PLEKHG5: variants seen among roughly 807,000 people sequenced by gnomAD.
PLEKHG5 encodes the protein pleckstrin homology and RhoGEF domain containing G5.
In PLEKHG5, 52 loss-of-function variants were observed where a neutral mutation model predicts 103.8. That is an observed-to-expected ratio of 0.50 (90% CI 0.40 to 0.63). PLEKHG5 has a LOEUF of 0.63. PLEKHG5 is among the 30% of genes least tolerant of loss of function. The pLI is 0.00. For synonymous variants in PLEKHG5, 592 were observed against 575.5 expected (o/e 1.03, Z -0.41); for missense variants, 1,205 against 1,347.6 (o/e 0.89, Z 1.66).
intron 1 of PLEKHG5, among the ~76,000 whole-genome samples, chr1:6,509,776 G>A (rs1638424203): frequency 6.6e-6 from 1 of 152,234 alleles, no homozygotes; most frequent in African/African-American, 2.4e-5. Context: ...TTCCACATCT[G>A]TAAAATGGGT....
In PLEKHG5 at chr1:6,470,819, C is replaced by T. The variant is rs1054903025; in HGVS notation, c.1458G>A (p.Gln486=). The part of the protein sequence containing the change: ...KLSDMLAKPH[Q]RLTKYPLLLK... ...GCAGCAGCGGGTACTTGGTGAGCCG[C>T]TGGTGGGGTTTGGCCAGCATGTCGC... Residue 486 remains glutamine, a synonymous_variant, in exon 14 of 21, where the codon CAG becomes CAA. Coordinates refer to ENST00000377728, the MANE Select transcript of PLEKHG5 (RefSeq NM_020631.6). The T allele has an allele frequency of 1.3e-6, 2 of 1,578,194 alleles. No homozygotes were observed. The highest frequency in any genetic ancestry group is 1.7e-6 in the Non-Finnish European group (2 of 1,162,346).
chr1:6,496,538 C>T (rs1460605142), upstream of PLEKHG5: 2 of 1,597,574 alleles, frequency 1.3e-6, no homozygotes, highest in South Asian at 1.1e-5. Flanking sequence ...TCTGACAGCG[C>T]AGTCCCTTCT....
At position 6,474,084 on chromosome 1, in the gene PLEKHG5, G is replaced by A; in HGVS notation, c.520C>T (p.Pro174Ser). 1 of 1,613,014 alleles carries A rather than the reference G, an allele frequency of 6.2e-7. No individual in the cohort carries two copies. Among genetic ancestry groups the A allele is most frequent in the Non-Finnish European group, 8.5e-7 (1 of 1,179,806 alleles). Reference sequence around the variant, plus strand: ...AGGGCGGGGGGCCCGGTCCCAGCTGGCCGCAGAATCGGCAAACTCAGGGAC... The same window carrying A: ...AGGGCGGGGGGCCCGGTCCCAGCTGACCGCAGAATCGGCAAACTCAGGGAC... ...SKSLSLPILR[P>S]AGTGPPALER... The change falls in exon 7 of 21, where the codon CCA becomes TCA. Residue 174 changes from proline (P) to serine (S), a missense_variant. Physicochemically the swap from Pro to Ser is moderately conservative, Grantham distance 74. Coordinates refer to ENST00000377728, the MANE Select transcript of PLEKHG5 (RefSeq NM_020631.6).
chr1:6,512,811 C>A (rs1287306187), intron 1 of PLEKHG5, among the ~76,000 whole-genome samples: 2 of 152,228 alleles, frequency 1.3e-5, no homozygotes, highest in African/African-American at 4.8e-5. Flanking sequence ...AGCTCCAGCT[C>A]CTGCCGGCTG....
intron 1 of PLEKHG5, among the ~76,000 whole-genome samples, chr1:6,484,356 A>T (rs571464887): frequency 9.4e-4 from 143 of 152,234 alleles, no homozygotes; most frequent in African/African-American, 3.2e-3. Flanking sequence ...GGCTGACCTC[A>T]TCTGCTTCCC....
At position 6,479,021 on chromosome 1, in the gene PLEKHG5, G is replaced by C. The variant is rs116505571; in HGVS notation, c.-87-1363C>G. Among the ~76,000 whole-genome samples, 649 of 119,730 alleles carry C rather than the reference G, an allele frequency of 5.4e-3. 5 individuals are homozygous for C. Among genetic ancestry groups the C allele is most frequent in the African/African-American group, 0.021 (627 of 29,374 alleles). The allele number at this position is 119,730 out of a possible 152,430, so 78.5% of individuals were successfully genotyped here. On this transcript the variant is annotated intron_variant, in intron 1 of 20. Transcript: ENST00000377728. ...TCCACATGCCCTCTGGACTCCCCAA[G>C]TTGATATCTACCACATCTGCTTCTC...
At chr1:6,482,456 GGGA>G (rs1328896418) in intron 1 of PLEKHG5, among the ~76,000 whole-genome samples, 3 of 152,218 alleles carry the variant, frequency 2.0e-5, no homozygotes, top group Middle Eastern at 6.3e-3. Flanking sequence ...AGTGACAGGA[GGGA>G]GGAGGAGGCC....
chr1:6,519,429 T>C (rs781034706), intron 1 of PLEKHG5: 2 of 1,601,298 alleles, frequency 1.2e-6, no homozygotes, highest in South Asian at 1.1e-5. Flanking sequence ...ACAAAAGAGA[T>C]AGAAAACATA....
intron 3 of PLEKHG5, 134 bp from the exon 4 acceptor site, chr1:6,475,656 C>T: frequency 2.4e-6 from 2 of 829,114 alleles, no homozygotes; most frequent in African/African-American, 1.7e-5. Flanking sequence ...TCAACCCGGC[C>T]AGGCCCGCAT....
upstream of PLEKHG5, chr1:6,496,462 C>CCA: frequency 6.4e-7 from 1 of 1,555,008 alleles, no homozygotes; most frequent in Admixed American, 1.7e-5. Context: ...CCTCTGCCCC[C>CCA]GAGGGTCCCC....
upstream of PLEKHG5, chr1:6,496,568 G>C (rs200424270): frequency 5.1e-6 from 8 of 1,566,630 alleles, no homozygotes; most frequent in Non-Finnish European, 6.9e-6. Context: ...GGCTCTGGTC[G>C]TCTGCAGGGG....
At chr1:6,475,833 T>C (rs1644751315) in intron 3 of PLEKHG5, 98 bp downstream of exon 3, 1 of 1,061,938 alleles carries the variant, frequency 9.4e-7, no homozygotes, top group Non-Finnish European at 1.5e-6. Context: ...TCAGCCTTAC[T>C]TGAGGAAGGC....
At chr1:6,497,224 C>G (rs1374767420), upstream of PLEKHG5, 1 of 867,938 alleles carries the variant, frequency 1.2e-6, no homozygotes, top group Non-Finnish European at 1.9e-6. The surrounding 1 kb of genome is among the most constrained non-coding windows in gnomAD (Gnocchi z 6.1). Flanking sequence ...GCGCCCACCC[C>G]CTTGCCTGGA....
chr1:6,478,005 C>T (rs1048641637), intron 1 of PLEKHG5, among the ~76,000 whole-genome samples: 1 of 152,142 alleles, frequency 6.6e-6, no homozygotes, highest in Non-Finnish European at 1.5e-5. Context: ...CTCAGCCTCC[C>T]CAGTAGCTGG....
At chr1:6,478,281 C>T (rs548588048) in intron 1 of PLEKHG5, among the ~76,000 whole-genome samples, 68 of 152,250 alleles carry the variant, frequency 4.5e-4, no homozygotes, top group African/African-American at 1.6e-3. Context: ...ACGTGATCCT[C>T]GAGCCTCAGC....
intron 1 of PLEKHG5, among the ~76,000 whole-genome samples, chr1:6,511,094 AAAAAAAGTT>A (rs1173231119): frequency 6.6e-6 from 1 of 152,174 alleles, no homozygotes; most frequent in Non-Finnish European, 1.5e-5. Context: ...GTCAAAAAAA[AAAAAAAGTT>A]AAACAATTCT....
In PLEKHG5 at chr1:6,468,388, G is replaced by A. The variant is rs778191249; in HGVS notation, c.2448C>T (p.Asp816=). The change falls in exon 20 of 21, where the codon GAC becomes GAT. Residue 816 remains aspartate (D), a synonymous_variant. Transcript: ENST00000377728. ...TTGGGGAGAGGGTGCCGTAGGCAGA[G>A]TCCATGGAGCAGGAGCGGCCGTCCA... ...GPVDGRSCSM[D]SAYGTLSPTS... is the part of the protein sequence containing the mutation. 1.2e-6 allele frequency: 2 copies of A among 1,610,896 alleles called. No individual in the cohort carries two copies. The highest frequency in any genetic ancestry group is 1.3e-5 in the African/African-American group (1 of 75,052).
At chr1:6,471,946 T>C (rs532049321) in intron 10 of PLEKHG5, 138 bp from the exon 11 acceptor site, 7 of 875,276 alleles carry the variant, frequency 8.0e-6, no homozygotes, top group Admixed American at 2.0e-5. Context: ...ATAAGAAGGC[T>C]GTACCCTTTG....
rs756830347 is a variant in PLEKHG5 at position 6,469,320 on chromosome 1, C to T, written c.2049+15G>A. 6.2e-7 allele frequency: 1 copy of T among 1,613,512 alleles called. No individual in the cohort carries two copies. The highest frequency in any genetic ancestry group is 1.1e-5 in the South Asian group (1 of 91,070). On this transcript the variant is annotated intron_variant, in intron 18 of 20. Transcript: ENST00000377728. The stretch of plus-strand genomic sequence containing the variant: ...CTAATCTGCCTTGCCCACCCACTCA[C>T]TACTCTGCACTCACCTGGGCATTGT...
Sources: gnomAD v4.1 joint callset for allele counts (sites outside exome capture counted in the v4.1 genomes callset) on GRCh38, gnomAD v4.1.1 for gene constraint, Gnocchi (gnomAD v3.1) non-coding constraint, MANE v1.5 for transcripts, NCBI Gene and HGNC (gene_info 2026-07-23, HGNC 2026-07-21) for gene names.